Variants in NELL2 observed in about 807,000 individuals in gnomAD.
NELL2 encodes protein kinase C-binding protein NELL2.
A neutral mutation model predicts 109.6 loss-of-function variants in NELL2; 41 were observed. The observed-to-expected ratio is 0.37, with a 90% CI of 0.29 to 0.49. The LOEUF (loss-of-function observed/expected upper bound fraction) is 0.49. Among genes scored for constraint, NELL2 ranks in the 20% least tolerant of loss-of-function variants. The pLI is 0.98. For synonymous variants in NELL2, 355 were observed against 344.7 expected (o/e 1.03, Z -0.33); for missense variants, 900 against 1,008.3 (o/e 0.89, Z 1.45).
At chr12:44,825,046 C>T (rs141407879) in intron 2 of NELL2, among the ~76,000 whole-genome samples, 27 of 152,178 alleles carry the variant, frequency 1.8e-4, no homozygotes, top group East Asian at 9.7e-4. Context: ...AGTGTGATGC[C>T]TCCGGCTTTG....
At chr12:44,568,094 G>T (rs986142721) in intron 15 of NELL2, among the ~76,000 whole-genome samples, 1 of 151,966 alleles carries the variant, frequency 6.6e-6, no homozygotes, top group Non-Finnish European at 1.5e-5. Flanking sequence ...TGATTAGCAA[G>T]CCTAAAATCA....
intron 13 of NELL2, among the ~76,000 whole-genome samples, chr12:44,631,498 A>G (rs1946455749): frequency 6.6e-6 from 1 of 152,078 alleles, no homozygotes; most frequent in South Asian, 2.1e-4. Context: ...AGTCATGGAC[A>G]TAAAGACGGC....
chr12:44,617,025 C>T (rs183062212), intron 13 of NELL2, among the ~76,000 whole-genome samples: 1 of 152,268 alleles, frequency 6.6e-6, no homozygotes, highest in East Asian at 1.9e-4. Context: ...TTCTATGTTA[C>T]AACTCCAGAA....
At position 44,648,216 on chromosome 12, in the gene NELL2, T is replaced by G. The variant is rs536874004; in HGVS notation, c.1444+17268A>C. ...TCAGCATATGCCTTCTGTCAAATCT[T>G]TGCAATGTTAAATATGTTTCGAATT... On this transcript the variant is annotated intron_variant, in intron 13 of 19. Coordinates refer to ENST00000429094, the MANE Select transcript of NELL2 (RefSeq NM_001145108.2). Among the ~76,000 whole-genome samples the G allele has an allele frequency of 1.2e-4, 18 of 152,306 alleles. 1 individual carries two copies. In the East Asian group the frequency reaches 3.5e-3, roughly 29 times the overall value.
chr12:44,863,760 A>T (rs1944909192), intron 2 of NELL2, among the ~76,000 whole-genome samples: 1 of 152,342 alleles, frequency 6.6e-6, no homozygotes, highest in South Asian at 2.1e-4. Context: ...CAAATTCAGA[A>T]TACTCAAATA....
upstream of NELL2, chr12:44,876,694 G>A (rs1360825759): frequency 3.2e-6 from 5 of 1,550,094 alleles, no homozygotes; most frequent in Non-Finnish European, 3.5e-6. Flanking sequence ...AGTAGCGCTC[G>A]CCTGCCCTTT....
chr12:44,730,522 C>A (rs1366716320), intron 9 of NELL2, among the ~76,000 whole-genome samples: 1 of 151,996 alleles, frequency 6.6e-6, no homozygotes. Context: ...TTAAATAACA[C>A]ACTTGAATAG....
chr12:44,888,446 G>A (rs1462839925), intron 1 of NELL2, among the ~76,000 whole-genome samples: 1 of 145,308 alleles, frequency 6.9e-6, no homozygotes, highest in East Asian at 2.0e-4. Flanking sequence ...GAAAAAAAGA[G>A]AGAAGACCCA....
chr12:44,912,147 C>A (rs1173550490), intron 1 of NELL2, among the ~76,000 whole-genome samples: 1 of 151,744 alleles, frequency 6.6e-6, no homozygotes, highest in African/African-American at 2.4e-5. Context: ...AATGAAAATG[C>A]ATGGAACATT....
At position 44,776,008 on chromosome 12, in the gene NELL2, A is replaced by C; in HGVS notation, c.891+14T>G. On this transcript the variant is annotated intron_variant, in intron 8 of 19. Coordinates refer to ENST00000429094, the MANE Select transcript of NELL2 (RefSeq NM_001145108.2). Reference sequence around the variant, plus strand: ...TCTGAGTTCCCTTAGTCTCAACTCAAATAGAAGCCATACCAGGCATGTGCA... The same window carrying C: ...TCTGAGTTCCCTTAGTCTCAACTCACATAGAAGCCATACCAGGCATGTGCA... 1 of 1,609,912 alleles carries C rather than the reference A, an allele frequency of 6.2e-7. No individual in the cohort carries two copies. The highest frequency in any genetic ancestry group is 8.5e-7 in the Non-Finnish European group (1 of 1,178,766).
chr12:44,733,596 T>G (rs1288889424), intron 9 of NELL2, among the ~76,000 whole-genome samples: 4 of 151,654 alleles, frequency 2.6e-5, no homozygotes, highest in Non-Finnish European at 5.9e-5. Flanking sequence ...GGTTATAGAG[T>G]TTCAGTCATG....
At chr12:44,782,853 C>G (rs1942016850) in intron 3 of NELL2, among the ~76,000 whole-genome samples, 1 of 151,898 alleles carries the variant, frequency 6.6e-6, no homozygotes, top group South Asian at 2.1e-4. Context: ...GCCAAAATGT[C>G]AAGAATATAT....
chr12:44,656,001 A>C (rs1457958842), intron 13 of NELL2, among the ~76,000 whole-genome samples: 3 of 152,210 alleles, frequency 2.0e-5, no homozygotes, highest in South Asian at 2.1e-4. Context: ...AAAATGCAAA[A>C]GTCATTTCCA....
intron 15 of NELL2, among the ~76,000 whole-genome samples, chr12:44,600,506 C>T (rs967528542): frequency 1.3e-5 from 2 of 152,084 alleles, no homozygotes; most frequent in Admixed American, 6.5e-5. Context: ...ATGCCTCCCC[C>T]GATTATACTT....
chr12:44,636,211 C>A (rs564991518), intron 13 of NELL2, among the ~76,000 whole-genome samples: 1 of 152,084 alleles, frequency 6.6e-6, no homozygotes, highest in Non-Finnish European at 1.5e-5. Flanking sequence ...TCTACATATA[C>A]CATCATGTCA....
At chr12:44,878,662 T>G (rs1156414257), upstream of NELL2, among the ~76,000 whole-genome samples, 1 of 152,206 alleles carries the variant, frequency 6.6e-6, no homozygotes, top group Non-Finnish European at 1.5e-5. Flanking sequence ...TACTTAACTT[T>G]TCACCTTCTA....
chr12:44,661,219 G>C (rs1483497378), intron 13 of NELL2, among the ~76,000 whole-genome samples: 1 of 152,182 alleles, frequency 6.6e-6, no homozygotes, highest in Non-Finnish European at 1.5e-5. Context: ...CCCATCCTAA[G>C]GGAAGAATCA....
intron 13 of NELL2, among the ~76,000 whole-genome samples, chr12:44,623,390 C>CT (rs532359983): frequency 4.6e-5 from 7 of 151,046 alleles, no homozygotes; most frequent in African/African-American, 1.5e-4. Flanking sequence ...AGAGTGAAAT[C>CT]TTTTTTTTTG....
chr12:44,837,362 C>T (rs1398780312), intron 2 of NELL2, among the ~76,000 whole-genome samples: 2 of 152,180 alleles, frequency 1.3e-5, no homozygotes, highest in African/African-American at 4.8e-5. Flanking sequence ...CATCCCTAAT[C>T]GTGGCAATCT....
Sources: allele counts gnomAD v4.1 joint callset (sites outside exome capture counted in the v4.1 genomes callset), GRCh38; gene constraint gnomAD v4.1.1; transcripts MANE v1.5; gene names NCBI Gene and HGNC (gene_info 2026-07-23, HGNC 2026-07-21).